SUGCT: variants seen among roughly 807,000 people sequenced by gnomAD.
SUGCT encodes the protein succinyl-CoA:glutarate-CoA transferase.
In SUGCT, 41 loss-of-function variants were observed where a neutral mutation model predicts 55.0. The observed-to-expected ratio is 0.74, with a 90% CI of 0.58 to 0.97. SUGCT has a LOEUF of 0.97. SUGCT is among the 50% of genes least tolerant of loss of function. The pLI, the probability that SUGCT is intolerant of heterozygous loss-of-function variation, is 0.00. For synonymous variants in SUGCT, 187 were observed against 200.4 expected (o/e 0.93, Z 0.56); for missense variants, 568 against 547.8 (o/e 1.04, Z -0.37).
Position 40,136,981 on chromosome 7 carries a change from C to T in SUGCT, c.100+1861C>T, listed in dbSNP as rs1055914388. On this transcript the variant is annotated intron_variant, in intron 1 of 13. Transcript: ENST00000335693. ...CTGCACTCCAGCCTGGGTAACAGAG[C>T]GAGACCCTATCATGCCCCCCCACCC... Among the ~76,000 whole-genome samples, 9 of 151,742 alleles carry T rather than the reference C, an allele frequency of 5.9e-5. No individual in the cohort carries two copies. The East Asian group carries it at 9.7e-4, about 16-fold the overall frequency.
chr7:40,960,526 T>C, the SUGCT span, among the ~76,000 whole-genome samples: 4 of 152,180 alleles, frequency 2.6e-5, no homozygotes, highest in Admixed American at 2.0e-4. Context: ...TACATAAGCA[T>C]TTCAGATACC....
At chr7:40,937,335 A>AT in the SUGCT span, among the ~76,000 whole-genome samples, 4 of 152,028 alleles carry the variant, frequency 2.6e-5, no homozygotes, top group East Asian at 1.9e-4. Flanking sequence ...TGCCCAGCAA[A>AT]TTTTTTTGTA....
At chr7:40,427,326 A>T (rs1787637155) in intron 9 of SUGCT, among the ~76,000 whole-genome samples, 1 of 152,202 alleles carries the variant, frequency 6.6e-6, no homozygotes, top group South Asian at 2.1e-4. Context: ...TATATTATAC[A>T]AGACATAACT....
At chr7:40,953,342 T>C in the SUGCT span, among the ~76,000 whole-genome samples, 187 of 152,330 alleles carry the variant, frequency 1.2e-3, no homozygotes, top group African/African-American at 4.4e-3. Context: ...TTATTCTAGT[T>C]AGCCATTTGT....
the SUGCT span, among the ~76,000 whole-genome samples, chr7:41,030,463 C>T: frequency 0.38 from 57,918 of 151,984 alleles, 11,410 homozygotes; most frequent in South Asian, 0.44. Flanking sequence ...GGAAAATACA[C>T]ATAAAGAGGA....
chr7:40,687,855 A>G (rs1343645918), intron 12 of SUGCT, among the ~76,000 whole-genome samples: 2 of 152,172 alleles, frequency 1.3e-5, no homozygotes, highest in African/African-American at 4.8e-5. Flanking sequence ...TCCAGGTTCT[A>G]TGAGTGAGCA....
At chr7:40,866,008 G>A in the SUGCT span, among the ~76,000 whole-genome samples, 1 of 151,976 alleles carries the variant, frequency 6.6e-6, no homozygotes, top group Admixed American at 6.6e-5. Flanking sequence ...TAGTTTCTTT[G>A]GCTCCTGACC....
intron 9 of SUGCT, among the ~76,000 whole-genome samples, chr7:40,407,252 C>T (rs1366534860): frequency 6.6e-6 from 1 of 151,988 alleles, no homozygotes; most frequent in Non-Finnish European, 1.5e-5. Flanking sequence ...CTGATTGGCT[C>T]TATGAATAGA....
chr7:40,740,035 A>G (rs941328554), intron 12 of SUGCT, among the ~76,000 whole-genome samples: 1 of 152,166 alleles, frequency 6.6e-6, no homozygotes, highest in Non-Finnish European at 1.5e-5. Flanking sequence ...CATCCAGTCC[A>G]TGAACATAGT....
intron 13 of SUGCT, among the ~76,000 whole-genome samples, chr7:40,832,562 G>GT (rs66508711): frequency 0.042 from 5,919 of 139,650 alleles, 293 homozygotes; most frequent in East Asian, 0.1. Context: ...GGTTTTTTTT[G>GT]TTTTTTTTTT....
At chr7:40,396,527 C>T (rs528845903) in intron 9 of SUGCT, among the ~76,000 whole-genome samples, 24 of 152,252 alleles carry the variant, frequency 1.6e-4, no homozygotes, top group African/African-American at 5.5e-4. Flanking sequence ...AAACAATTTC[C>T]TTCTAGCTTC....
the SUGCT span, among the ~76,000 whole-genome samples, chr7:40,951,686 T>A: frequency 1.3e-5 from 2 of 152,204 alleles, no homozygotes; most frequent in Non-Finnish European, 2.9e-5. Flanking sequence ...AGAACATCTT[T>A]ATTCTGCCTT....
At chr7:40,426,582 G>A (rs1001540116) in intron 9 of SUGCT, among the ~76,000 whole-genome samples, 12 of 152,160 alleles carry the variant, frequency 7.9e-5, no homozygotes, top group Non-Finnish European at 1.6e-4. Context: ...ACTTTGGATG[G>A]TATTGACTTT....
rs185261578 is a variant in SUGCT at position 40,353,493 on chromosome 7, C to T, written c.816+36638C>T. Among the ~76,000 whole-genome samples the T allele has an allele frequency of 9.7e-4, 147 of 152,136 alleles. 1 individual carries two copies. Among genetic ancestry groups the T allele is most frequent in the African/African-American group, 3.3e-3 (135 of 41,504 alleles). ...AACAAAAACAACTAAATCAGTTTTC[C>T]GAAATTGGGTTTAAATATTTATTCT... On this transcript the variant is annotated intron_variant, in intron 9 of 13. Transcript: ENST00000335693.
intron 9 of SUGCT, among the ~76,000 whole-genome samples, chr7:40,401,208 G>C (rs1452193121): frequency 6.6e-6 from 1 of 152,084 alleles, no homozygotes; most frequent in East Asian, 1.9e-4. Context: ...AATATTTACT[G>C]TCATTACAAG....
At chr7:40,898,030 G>A in the SUGCT span, among the ~76,000 whole-genome samples, 6 of 152,108 alleles carry the variant, frequency 3.9e-5, no homozygotes, top group African/African-American at 7.2e-5. Flanking sequence ...GTGTTCTTTC[G>A]CTTTTCAGAT....
At chr7:40,727,178 G>A (rs183784689) in intron 12 of SUGCT, among the ~76,000 whole-genome samples, 4 of 152,062 alleles carry the variant, frequency 2.6e-5, no homozygotes, top group East Asian at 1.9e-4. Context: ...TGCCTTTCAC[G>A]GTACACTTTT....
intron 13 of SUGCT, among the ~76,000 whole-genome samples, chr7:40,780,500 G>C (rs1789680799): frequency 6.6e-6 from 1 of 152,154 alleles, no homozygotes; most frequent in Non-Finnish European, 1.5e-5. Flanking sequence ...TGTCCTCTGA[G>C]AAGAAGGAAG....
chr7:40,439,004 T>C (rs1163612927), intron 9 of SUGCT, among the ~76,000 whole-genome samples: 12 of 143,902 alleles, frequency 8.3e-5, no homozygotes, highest in African/African-American at 3.1e-4. Flanking sequence ...AAAGTATATA[T>C]GTAGAAATTG....
Sources: gnomAD v4.1 joint callset for allele counts (sites outside exome capture counted in the v4.1 genomes callset) on GRCh38, gnomAD v4.1.1 for gene constraint, MANE v1.5 for transcripts, NCBI Gene and HGNC (gene_info 2026-07-23, HGNC 2026-07-21) for gene names.